QTMAN: variants seen among roughly 807,000 people sequenced by gnomAD.
QTMAN encodes the protein queuosine-tRNA mannosyltransferase, also known as tRNA-queuosine alpha-mannosyltransferase.
chr2:144,105,592 T>C, the QTMAN span, among the ~76,000 whole-genome samples: 3 of 152,050 alleles, frequency 2.0e-5, no homozygotes, highest in Non-Finnish European at 4.4e-5. Context: ...CTCCAAGAAA[T>C]ATAAGACTAT....
the QTMAN span, among the ~76,000 whole-genome samples, chr2:144,175,324 C>G: frequency 2.6e-5 from 4 of 151,978 alleles, no homozygotes; most frequent in African/African-American, 9.7e-5. Flanking sequence ...TAGAAGTAAT[C>G]AATAGGGGGA....
the QTMAN span, among the ~76,000 whole-genome samples, chr2:143,985,524 T>C: frequency 3.9e-5 from 6 of 152,230 alleles, no homozygotes; most frequent in African/African-American, 1.4e-4. Flanking sequence ...GCACTGGAAG[T>C]TGAATTTCCC....
the QTMAN span, among the ~76,000 whole-genome samples, chr2:144,102,678 C>T: frequency 6.6e-6 from 1 of 152,210 alleles, no homozygotes; most frequent in Non-Finnish European, 1.5e-5. Context: ...TAAGAATACA[C>T]TCTGAAATGT....
chr2:144,202,476 T>A, the QTMAN span, among the ~76,000 whole-genome samples: 124 of 152,270 alleles, frequency 8.1e-4, no homozygotes, highest in African/African-American at 2.8e-3. Context: ...AGCAACTAGG[T>A]AAGAAGTGCT....
the QTMAN span, among the ~76,000 whole-genome samples, chr2:144,332,093 C>T: frequency 0.96 from 146,780 of 152,320 alleles, 70,972 homozygotes; most frequent in East Asian, 1. Flanking sequence ...AGCGCCGGGC[C>T]GCAGAAAACC....
chr2:144,113,255 A>T, the QTMAN span, among the ~76,000 whole-genome samples: 1 of 152,170 alleles, frequency 6.6e-6, no homozygotes, highest in Non-Finnish European at 1.5e-5. Context: ...GGGAAAAAAA[A>T]TAAGAAAGGA....
At chr2:144,329,309 T>C in the QTMAN span, among the ~76,000 whole-genome samples, 1 of 151,382 alleles carries the variant, frequency 6.6e-6, no homozygotes, top group Admixed American at 6.6e-5. Context: ...GGTAAGAATA[T>C]AAGTAAAAGA....
chr2:144,301,334 T>C, the QTMAN span, among the ~76,000 whole-genome samples: 1 of 152,210 alleles, frequency 6.6e-6, no homozygotes, highest in Non-Finnish European at 1.5e-5. Flanking sequence ...GTGATTCTCC[T>C]GCCTCAGCCT....
chr2:144,110,492 T>C, the QTMAN span, among the ~76,000 whole-genome samples: 1 of 152,104 alleles, frequency 6.6e-6, no homozygotes, highest in South Asian at 2.1e-4. Context: ...TATACATATG[T>C]AACAAACCTG....
chr2:143,942,910 G>T, the QTMAN span: 1 of 153,114 alleles, frequency 6.5e-6, no homozygotes, highest in Non-Finnish European at 1.5e-5. Context: ...CATGCTTCCT[G>T]AAGTATTTAT....
At chr2:143,987,022 T>G in the QTMAN span, among the ~76,000 whole-genome samples, 1 of 152,196 alleles carries the variant, frequency 6.6e-6, no homozygotes, top group African/African-American at 2.4e-5. Flanking sequence ...AAAGTGCAAC[T>G]GGGCAGTGCC....
At chr2:144,136,136 G>A in the QTMAN span, among the ~76,000 whole-genome samples, 2 of 151,824 alleles carry the variant, frequency 1.3e-5, no homozygotes, top group Non-Finnish European at 2.9e-5. Context: ...AACCAGCCTG[G>A]GCAACATGGT....
At chr2:144,019,511 C>G in the QTMAN span, among the ~76,000 whole-genome samples, 1 of 144,192 alleles carries the variant, frequency 6.9e-6, no homozygotes, top group Non-Finnish European at 1.5e-5. Context: ...AAGAAGGTTG[C>G]GTGTTCCACA....
At chr2:144,289,699 CT>C in the QTMAN span, among the ~76,000 whole-genome samples, 1 of 152,064 alleles carries the variant, frequency 6.6e-6, no homozygotes, top group Non-Finnish European at 1.5e-5. Context: ...TAAATCTTAC[CT>C]TATCAGTAAT....
chr2:144,194,376 GACTT>G, the QTMAN span, among the ~76,000 whole-genome samples: 1 of 152,238 alleles, frequency 6.6e-6, no homozygotes, highest in Non-Finnish European at 1.5e-5. Flanking sequence ...TAGCTCCCCT[GACTT>G]CTAGTCCAAG....
At chr2:144,004,223 G>A in the QTMAN span, among the ~76,000 whole-genome samples, 1 of 152,016 alleles carries the variant, frequency 6.6e-6, no homozygotes. Flanking sequence ...AATATGTAAA[G>A]TACAAGGATG....
chr2:144,294,293 C>A, the QTMAN span: 15 of 152,346 alleles, frequency 9.8e-5, no homozygotes, highest in Admixed American at 6.5e-5. Flanking sequence ...AAGGCCTTTG[C>A]ACATGCTGCT....
the QTMAN span, among the ~76,000 whole-genome samples, chr2:144,205,928 A>G: frequency 6.6e-6 from 1 of 152,218 alleles, no homozygotes; most frequent in Non-Finnish European, 1.5e-5. Context: ...GAATAACAAT[A>G]ACTATTGACT....
At chr2:143,999,249 G>A in the QTMAN span, among the ~76,000 whole-genome samples, 7 of 151,930 alleles carry the variant, frequency 4.6e-5, no homozygotes, top group Non-Finnish European at 1.0e-4. Context: ...CAGTGCCTTC[G>A]GTGCGTGGAC....
Sources: gnomAD v4.1 joint callset for allele counts (sites outside exome capture counted in the v4.1 genomes callset) on GRCh38, gnomAD v4.1.1 for gene constraint, MANE v1.5 for transcripts, NCBI Gene and HGNC (gene_info 2026-07-23, HGNC 2026-07-21) for gene names.